Variants in CLEC17A observed in about 807,000 individuals in gnomAD.
CLEC17A encodes C-type lectin domain family 17, member A.
Under a neutral mutation model 61.3 loss-of-function variants are expected in CLEC17A, and 37 were observed. That is an observed-to-expected ratio of 0.60 (90% CI 0.46 to 0.79). CLEC17A has a LOEUF of 0.79. Among genes scored for constraint, CLEC17A ranks in the 30% least tolerant of loss-of-function variants. CLEC17A has a pLI of 0.00. For synonymous variants in CLEC17A, 168 were observed against 164.9 expected (o/e 1.02, Z -0.14); for missense variants, 418 against 464.7 (o/e 0.90, Z 0.92).
At chr19:14,593,045 G>A (rs1281339818) in intron 4 of CLEC17A, among the ~76,000 whole-genome samples, 1 of 152,138 alleles carries the variant, frequency 6.6e-6, no homozygotes, top group Non-Finnish European at 1.5e-5. Context: ...GCTGGTGCTT[G>A]AGAAACTGGG....
In CLEC17A at chr19:14,611,898, G is replaced by C. The variant is rs1197071470; in HGVS notation, c.*1702G>C. Among the ~76,000 whole-genome samples, 1 of 152,124 alleles carries C rather than the reference G, an allele frequency of 6.6e-6. No individual in the cohort carries two copies. Among genetic ancestry groups the C allele is most frequent in the Non-Finnish European group, 1.5e-5 (1 of 68,018 alleles). On this transcript the variant is annotated 3_prime_UTR_variant, in exon 14 of 14. Coordinates refer to ENST00000417570, the MANE Select transcript of CLEC17A (RefSeq NM_001204118.2). ...ATGTGCCTGTAATCCCAGCTACTCA[G>C]GAGACTAAGGCACGAGAATTGCTTG... is the stretch of plus-strand genomic sequence containing the variant.
intron 13 of CLEC17A, among the ~76,000 whole-genome samples, chr19:14,608,700 C>A (rs1340049427): frequency 7.1e-6 from 1 of 139,914 alleles, no homozygotes; most frequent in Admixed American, 7.8e-5. Flanking sequence ...GTGGTGCAGT[C>A]TTGACCCAAT....
intron 2 of CLEC17A, 103 bp downstream of exon 2, chr19:14,583,537 C>G: frequency 1.3e-6 from 2 of 1,555,012 alleles, no homozygotes; most frequent in Non-Finnish European, 1.7e-6. Flanking sequence ...TCCTCTGTAT[C>G]CAGCCCATGC....
intron 10 of CLEC17A, among the ~76,000 whole-genome samples, chr19:14,597,562 G>A (rs1431192349): frequency 1.3e-5 from 2 of 152,130 alleles, no homozygotes; most frequent in African/African-American, 4.8e-5. Context: ...AACACAGCAA[G>A]GCTCCATCTC....
intron 10 of CLEC17A, 55 bp downstream of exon 10, chr19:14,597,216 C>T: frequency 1.3e-6 from 2 of 1,501,680 alleles, no homozygotes; most frequent in Non-Finnish European, 1.8e-6. Flanking sequence ...TAACCCAATC[C>T]TCAGATCCAA....
chr19:14,599,849 G>A (rs745424741), intron 11 of CLEC17A, 37 bp downstream of exon 11: 2 of 1,565,098 alleles, frequency 1.3e-6, no homozygotes, highest in Middle Eastern at 1.8e-4. Context: ...GGGATGGGGG[G>A]CATGGCAGAG....
intron 11 of CLEC17A, 69 bp downstream of exon 11, chr19:14,599,881 T>C: frequency 6.6e-6 from 10 of 1,503,782 alleles, no homozygotes; most frequent in Admixed American, 1.8e-5. Context: ...CATCACTCCA[T>C]TGAAGTCATT....
intron 12 of CLEC17A, among the ~76,000 whole-genome samples, chr19:14,605,205 C>G (rs1339831972): frequency 6.6e-6 from 1 of 151,952 alleles, no homozygotes; most frequent in Non-Finnish European, 1.5e-5. Flanking sequence ...TCAAGCAATT[C>G]TCCTCTCTCA....
intron 3 of CLEC17A, among the ~76,000 whole-genome samples, chr19:14,591,330 A>G (rs1169438289): frequency 3.3e-5 from 5 of 150,294 alleles, no homozygotes; most frequent in Admixed American, 1.3e-4. Context: ...AATTTTTTGT[A>G]TTTTTAGTAG....
rs890245881 is a variant in CLEC17A at position 14,592,420 on chromosome 19, T to A, written c.277+62T>A. 11 of 1,602,474 alleles carry A rather than the reference T, an allele frequency of 6.9e-6. No homozygotes were observed. The African/African-American group carries it at 8.0e-5, about 12-fold the overall frequency. On this transcript the variant is annotated intron_variant, in intron 4 of 13. Transcript: ENST00000417570. ...CAGGGAACAGGGTTTCCAGGAGGCA[T>A]TGGCTGGGCATTGTAGACACACAGT...
At chr19:14,599,929 A>G in intron 11 of CLEC17A, 102 bp from the exon 12 acceptor site, 2 of 1,521,912 alleles carry the variant, frequency 1.3e-6, no homozygotes, top group Middle Eastern at 2.2e-4. Context: ...CCTCCCCCTC[A>G]CCGGAGTTGA....
chr19:14,604,664 GA>G (rs1238828399), intron 12 of CLEC17A, among the ~76,000 whole-genome samples: 16 of 151,910 alleles, frequency 1.1e-4, no homozygotes, highest in Admixed American at 7.9e-4. Flanking sequence ...TCAGGAGGCT[GA>G]GGCAGGAAAA....
chr19:14,590,888 G>C (rs1212595736), intron 3 of CLEC17A, among the ~76,000 whole-genome samples: 1 of 150,178 alleles, frequency 6.7e-6, no homozygotes. Context: ...TACAGAGATA[G>C]GGTCTTGCTA....
intron 1 of CLEC17A, 63 bp downstream of exon 1, chr19:14,583,266 C>T (rs763780885): frequency 6.2e-7 from 1 of 1,613,202 alleles, no homozygotes; most frequent in Non-Finnish European, 8.5e-7. Context: ...GTACAGAATC[C>T]CCACCATGGG....
chr19:14,606,901 A>G, intron 12 of CLEC17A, 92 bp from the exon 13 acceptor site: 1 of 519,218 alleles, frequency 1.9e-6, no homozygotes, highest in Non-Finnish European at 2.9e-6. Context: ...GACGTTCCCA[A>G]GCCCTAAATA....
chr19:14,595,030 C>A (rs952765283), intron 7 of CLEC17A, among the ~76,000 whole-genome samples: 7 of 152,144 alleles, frequency 4.6e-5, no homozygotes, highest in Non-Finnish European at 1.0e-4. Flanking sequence ...AACCACCACA[C>A]CTGGCTAAGT....
At chr19:14,591,376 G>A (rs1199443166) in intron 3 of CLEC17A, among the ~76,000 whole-genome samples, 8 of 151,230 alleles carry the variant, frequency 5.3e-5, no homozygotes, top group Non-Finnish European at 8.8e-5. Flanking sequence ...GGATAGTCTC[G>A]ATCTCCTGAC....
chr19:14,592,177 A>G, intron 3 of CLEC17A, 104 bp from the exon 4 acceptor site: 2 of 1,322,142 alleles, frequency 1.5e-6, no homozygotes, highest in South Asian at 2.9e-5. Flanking sequence ...GTCAAGATCC[A>G]GGGTACAGAA....
In CLEC17A at chr19:14,601,167, T is replaced by C. The variant is rs1452096436; in HGVS notation, c.894+985T>C. On this transcript the variant is annotated intron_variant, in intron 12 of 13. Transcript: ENST00000417570. ...ATCCTCCCACCTCTGCCTCCCAAAG[T>C]GCGGGGATTATAGGTGTGAGCCACC... 2.6e-5 allele frequency among the ~76,000 whole-genome samples: 4 copies of C among 151,948 alleles called. No homozygotes were observed. In the East Asian group the frequency reaches 7.7e-4, roughly 29 times the overall value.
Sources: allele counts gnomAD v4.1 joint callset (sites outside exome capture counted in the v4.1 genomes callset), GRCh38; gene constraint gnomAD v4.1.1; transcripts MANE v1.5; gene names NCBI Gene and HGNC (gene_info 2026-07-23, HGNC 2026-07-21).